Variants in MVP observed in about 807,000 individuals in gnomAD.
MVP encodes the protein major vault protein.
A neutral mutation model predicts 83.5 loss-of-function variants in MVP; 62 were observed. That is an observed-to-expected ratio of 0.74 (90% confidence interval 0.61 to 0.92). The LOEUF is 0.92. Ranked by LOEUF, MVP falls within the 40% of genes least tolerant of loss-of-function variation. The pLI is 0.00. For missense variants in MVP, 1,000 were observed against 1,203.4 expected (o/e 0.83, Z 2.50); for synonymous variants, 505 against 504.1 (o/e 1.00, Z -0.02).
At chr16:29,834,395 T>A in intron 5 of MVP, 2 of 344,902 alleles carry the variant, frequency 5.8e-6, no homozygotes, top group South Asian at 4.6e-5. Context: ...TGTAGGCCAA[T>A]AGGTACAGTG....
At position 29,841,083 on chromosome 16, in the gene MVP, G is replaced by T. The variant is rs948035544; in HGVS notation, c.1192-513G>T. Among the ~76,000 whole-genome samples, 7 of 151,950 alleles carry T rather than the reference G, an allele frequency of 4.6e-5. No individual in the cohort carries two copies. The highest frequency in any genetic ancestry group is 4.6e-4 in the Admixed American group (7 of 15,230). ...ACCTCCTCCCTCATGCCCATATCCC[G>T]GTGGAATCTTTCATTTTTTTCTGCT... is the stretch of plus-strand genomic sequence containing the variant. On this transcript the variant is annotated intron_variant, in intron 8 of 14. Transcript: ENST00000357402. The surrounding 1 kb of genome is among the most constrained non-coding windows in gnomAD (Gnocchi z 4.7).
chr16:29,843,526 G>A (rs1360697572), intron 10 of MVP, among the ~76,000 whole-genome samples: 2 of 25,150 alleles, frequency 8.0e-5, no homozygotes, highest in Non-Finnish European at 1.7e-4. Context: ...GGGAGGAAGG[G>A]AGGAAGGGAG....
intron 7 of MVP, among the ~76,000 whole-genome samples, chr16:29,837,810 C>CT (rs2067500773): frequency 6.6e-6 from 1 of 152,094 alleles, no homozygotes; most frequent in Admixed American, 6.6e-5. Flanking sequence ...CTGTAATGGA[C>CT]TGAACTATCA....
chr16:29,822,824 T>A (rs1456575937), intron 1 of MVP, among the ~76,000 whole-genome samples: 1 of 152,090 alleles, frequency 6.6e-6, no homozygotes, highest in Non-Finnish European at 1.5e-5. Flanking sequence ...TTCAAGCAAT[T>A]CTCCTGCCTC....
chr16:29,845,338 G>A (rs1288190813), intron 11 of MVP, among the ~76,000 whole-genome samples: 7 of 149,860 alleles, frequency 4.7e-5, no homozygotes, highest in East Asian at 1.9e-4. Flanking sequence ...CATGCTCCTC[G>A]TCCCTGGAAC....
intron 1 of MVP, among the ~76,000 whole-genome samples, chr16:29,825,329 GC>G (rs1168827414): frequency 6.6e-6 from 1 of 152,226 alleles, no homozygotes; most frequent in Admixed American, 6.5e-5. Flanking sequence ...GCTGGGCAGA[GC>G]CTTCCAAAGG....
chr16:29,847,732 T>C, intron 14 of MVP, 30 bp from the exon 15 acceptor site: 1 of 1,606,512 alleles, frequency 6.2e-7, no homozygotes, highest in East Asian at 2.2e-5. Flanking sequence ...TTGACGCCCA[T>C]CTCAACTTCC....
chr16:29,839,088 T>A (rs1398916918), intron 7 of MVP, among the ~76,000 whole-genome samples: 1 of 152,064 alleles, frequency 6.6e-6, no homozygotes, highest in East Asian at 1.9e-4. Context: ...CTCGGGAGGC[T>A]GAGACAGGAG....
intron 11 of MVP, 87 bp from the exon 12 acceptor site, chr16:29,845,776 C>A: frequency 8.4e-7 from 1 of 1,195,898 alleles, no homozygotes; most frequent in Non-Finnish European, 1.2e-6. Flanking sequence ...TCCTGGGCAC[C>A]GGTTTGGTTG....
At chr16:29,827,607 A>G (rs923925654) in intron 1 of MVP, among the ~76,000 whole-genome samples, 2 of 152,182 alleles carry the variant, frequency 1.3e-5, no homozygotes, top group Non-Finnish European at 1.5e-5. Context: ...TCAACCAGCC[A>G]TATTTGGCAA....
At chr16:29,843,534 G>GA (rs2067552143) in intron 10 of MVP, among the ~76,000 whole-genome samples, 1 of 35,120 alleles carries the variant, frequency 2.8e-5, no homozygotes, top group Non-Finnish European at 6.1e-5. Context: ...GGGAGGAAGG[G>GA]AGGAAGGGAG....
Position 29,845,921 on chromosome 16 carries a change from C to A in MVP, c.2080C>A (p.Leu694Met). The A allele has an allele frequency of 6.2e-7, 1 of 1,614,226 alleles. No homozygotes were observed. Among genetic ancestry groups the A allele is most frequent in the Non-Finnish European group, 8.5e-7 (1 of 1,180,036 alleles). ...CGGCCGGCTTGAGCGGCAGAAGATC[C>A]TGGACCAGTCAGAAGCCGAGAAAGC... ...ARGRLERQKI[L>M]DQSEAEKARK... Residue 694 changes from leucine (L) to methionine (M), a missense_variant, in exon 12 of 15, where the codon CTG (leucine) becomes ATG (methionine). Transcript: ENST00000357402.
At chr16:29,834,170 G>T in intron 5 of MVP, 104 bp downstream of exon 5, 1 of 1,466,788 alleles carries the variant, frequency 6.8e-7, no homozygotes, top group Non-Finnish European at 9.2e-7. Flanking sequence ...CCAGAGAGGC[G>T]CTTTCCTGGT....
chr16:29,841,838 C>A lies in MVP; in HGVS notation c.1434C>A (p.Ala478=). Residue 478 remains alanine (A), a splice_region_variant and synonymous_variant, in exon 9 of 15, where the codon GCC becomes GCA. Coordinates refer to ENST00000357402, the MANE Select transcript of MVP (RefSeq NM_005115.5). The surrounding 1 kb of genome is among the most constrained non-coding windows in gnomAD (Gnocchi z 4.7). The part of the protein sequence containing the change: ...VQVYDYREKR[A]RVVFGPELVS... ...TGTACGACTACCGAGAGAAGCGAGC[C>A]CGGTGAGTGCTGGCAGCGCAGGGTG... 1 of 1,609,206 alleles carries A rather than the reference C, an allele frequency of 6.2e-7. No homozygotes were observed. The highest frequency in any genetic ancestry group is 2.2e-5 in the East Asian group (1 of 44,878).
intron 1 of MVP, among the ~76,000 whole-genome samples, chr16:29,828,978 G>GT (rs1426735939): frequency 6.6e-6 from 1 of 151,618 alleles, no homozygotes; most frequent in East Asian, 1.9e-4. Context: ...GCTCCTGCCT[G>GT]TTTTTCCTCG....
chr16:29,828,600 G>A (rs149749124), intron 1 of MVP, among the ~76,000 whole-genome samples: 6,230 of 152,058 alleles, frequency 0.041, 392 homozygotes, highest in African/African-American at 0.13. Context: ...GGCTGGTCTC[G>A]AACTCCTGAC....
chr16:29,841,557 A>G lies in MVP; in HGVS notation c.1192-39A>G, dbSNP rs2067534477. 2 of 1,535,102 alleles carry G rather than the reference A, an allele frequency of 1.3e-6. No homozygotes were observed. The highest frequency in any genetic ancestry group is 1.4e-5 in the African/African-American group (1 of 72,362). On this transcript the variant is annotated intron_variant, in intron 8 of 14. Coordinates refer to ENST00000357402, the MANE Select transcript of MVP (RefSeq NM_005115.5). The surrounding 1 kb of genome is among the most constrained non-coding windows in gnomAD (Gnocchi z 4.7). ...AGCTGGGCGGATCTTCCTCCCTTCC[A>G]CCCTTACGGGCAGCTTCCCTCCCTG...
Position 29,840,252 on chromosome 16 carries a change from G to A in MVP, c.984G>A (p.Glu328=). ...QGIQDVYVLS[E]QQGLLLRALQ... Reference sequence around the variant, plus strand: ...TCCAGGATGTGTATGTGCTGTCGGAGCAGCAGGGGCTGCTGCTGAGGGCCC... The same window carrying A: ...TCCAGGATGTGTATGTGCTGTCGGAACAGCAGGGGCTGCTGCTGAGGGCCC... The change falls in exon 8 of 15, where the codon GAG becomes GAA. Residue 328 remains glutamate (E), a synonymous_variant. Coordinates refer to ENST00000357402, the MANE Select transcript of MVP (RefSeq NM_005115.5). 6.2e-7 allele frequency: 1 copy of A among 1,614,024 alleles called. No individual in the cohort carries two copies. The highest frequency in any genetic ancestry group is 8.5e-7 in the Non-Finnish European group (1 of 1,179,978).
chr16:29,835,483 A>AC, intron 5 of MVP: 1 of 234,742 alleles, frequency 4.3e-6, no homozygotes, highest in Non-Finnish European at 8.4e-6. Flanking sequence ...TCCGTCTCAA[A>AC]AAAAAAAAAA....
Sources: allele counts gnomAD v4.1 joint callset (sites outside exome capture counted in the v4.1 genomes callset), GRCh38; gene constraint gnomAD v4.1.1; non-coding constraint Gnocchi (gnomAD v3.1); transcripts MANE v1.5; gene names NCBI Gene and HGNC (gene_info 2026-07-23, HGNC 2026-07-21).